The following ING1 variants were observed in gnomAD, a reference collection of about 807,000 sequenced individuals.
ING1 encodes the protein inhibitor of growth family member 1.
Under a neutral mutation model 23.1 loss-of-function variants are expected in ING1, and 4 were observed. The observed-to-expected ratio is 0.17, with a 90% CI of 0.09 to 0.40. The LOEUF is 0.40. Ranked by LOEUF, ING1 falls within the 10% of genes least tolerant of loss-of-function variation. The pLI, the probability that ING1 is intolerant of heterozygous loss-of-function variation, is 1.00. For synonymous variants in ING1, 179 were observed against 166.4 expected (o/e 1.08, Z -0.58); for missense variants, 256 against 393.8 (o/e 0.65, Z 2.96).
Position 110,720,072 on chromosome 13 carries a change from G to C in ING1, c.*140G>C. On this transcript the variant is annotated 3_prime_UTR_variant, in exon 2 of 2. Transcript: ENST00000333219. ...AAGGAACCATTCCTTTCATAGGGATGGCAGTGATTCTGTTTGCCTTTTGTT... is the reference window on the plus strand; with the variant it reads ...AAGGAACCATTCCTTTCATAGGGATCGCAGTGATTCTGTTTGCCTTTTGTT... 2 of 651,408 alleles carry C rather than the reference G, an allele frequency of 3.1e-6. No individual in the cohort carries two copies. Among genetic ancestry groups the C allele is most frequent in the Non-Finnish European group, 5.0e-6 (2 of 397,398 alleles). The allele number at this position is 651,408 out of a possible 1,614,324, so 40.4% of individuals were successfully genotyped here.
chr13:110,713,144 C>T, upstream of ING1: 2 of 1,430,534 alleles, frequency 1.4e-6, no homozygotes, highest in Non-Finnish European at 1.8e-6. Flanking sequence ...CACGGTCTCC[C>T]CGCCTCCTCT....
chr13:110,712,977 G>A (rs763183051), upstream of ING1: 14 of 1,557,566 alleles, frequency 9.0e-6, no homozygotes, highest in East Asian at 2.9e-4. Flanking sequence ...CCGCGGAATG[G>A]GTAGGTCTCC....
Position 110,719,509 on chromosome 13 carries a change from A to C in ING1, c.417A>C (p.Ala139=). The C allele has an allele frequency of 6.2e-7, 1 of 1,611,696 alleles. No individual in the cohort carries two copies. The highest frequency in any genetic ancestry group is 8.5e-7 in the Non-Finnish European group (1 of 1,179,062). The change falls in exon 2 of 2, where the codon GCA becomes GCC. Residue 139 remains alanine (A), a synonymous_variant. Transcript: ENST00000333219. The surrounding 1 kb of genome is among the most constrained non-coding windows in gnomAD (Gnocchi z 8.9). ...AGADRPKGEA[A]AQADKPNSKR... ...CGGACAGGCCCAAAGGCGAGGCGGC[A>C]GCGCAGGCTGACAAGCCCAACAGCA...
chr13:110,712,904 G>A, upstream of ING1: 1 of 1,527,072 alleles, frequency 6.5e-7, no homozygotes, highest in Non-Finnish European at 8.9e-7. Context: ...CGACACAAAG[G>A]GAGGGCGGTG....
upstream of ING1, chr13:110,713,039 A>C (rs1207537325): frequency 1.4e-6 from 2 of 1,477,200 alleles, no homozygotes; most frequent in African/African-American, 2.8e-5. Context: ...GCCAGTGCGC[A>C]TGCGCCGCCA....
At chr13:110,715,098 G>A (rs2064097674) in intron 1 of ING1, 2 of 1,062,712 alleles carry the variant, frequency 1.9e-6, no homozygotes, top group Non-Finnish European at 2.3e-6. Context: ...TGCAGACCTG[G>A]CCGCCCCGGG....
intron 1 of ING1, chr13:110,715,322 G>T: frequency 7.0e-7 from 1 of 1,435,482 alleles, no homozygotes; most frequent in Non-Finnish European, 9.1e-7. Flanking sequence ...AGTACTAGAC[G>T]CCTCTGCCGG....
At chr13:110,715,844 CTTTCGGGCGCGGATTTATAGCAG>C (rs778151398) in intron 1 of ING1, 1 of 1,593,424 alleles carries the variant, frequency 6.3e-7, no homozygotes, top group East Asian at 2.2e-5. Context: ...AGCCCGGCCA[CTTTCGGGCGCGGATTTATAGCAG>C]TAGCAGTGAT....
chr13:110,722,989 C>G lies in ING1; in HGVS notation c.*3057C>G, dbSNP rs963899443. 6.6e-6 allele frequency: 1 copy of G among 152,168 alleles called. No homozygotes were observed. The allele number at this position is 152,168 out of a possible 1,614,324, so 9.4% of individuals were successfully genotyped here. On this transcript the variant is annotated 3_prime_UTR_variant, in exon 2 of 2. Transcript: ENST00000333219. ...AAAGCGATCTAATATAGAACAGTTGCTTTTACTTAGATGTTCAATGCATAT... is the reference window on the plus strand; with the variant it reads ...AAAGCGATCTAATATAGAACAGTTGGTTTTACTTAGATGTTCAATGCATAT...
chr13:110,712,882 A>G (rs1232006849), upstream of ING1: 2 of 1,396,018 alleles, frequency 1.4e-6, no homozygotes, highest in Non-Finnish European at 2.0e-6. Flanking sequence ...TTCCAAACTG[A>G]GTACCGGGAG....
chr13:110,718,626 C>A (rs949270993), intron 1 of ING1, among the ~76,000 whole-genome samples: 2 of 152,032 alleles, frequency 1.3e-5, no homozygotes. Context: ...TAAATTTATA[C>A]ACATTCTCTC....
Position 110,714,227 on chromosome 13 carries a change from G to A in ING1, c.78G>A (p.Leu26=). Residue 26 remains leucine (L), a synonymous_variant, in exon 1 of 2, where the codon CTG becomes CTA. Transcript: ENST00000333219. Reference sequence around the variant, plus strand: ...ACTACCTGGACTCCATCGAGTCCCTGCCTTTCGACTTGCAGAGAAATGTCT... The same window carrying A: ...ACTACCTGGACTCCATCGAGTCCCTACCTTTCGACTTGCAGAGAAATGTCT... ...VEDYLDSIES[L]PFDLQRNVSL... The A allele has an allele frequency of 6.3e-7, 1 of 1,578,808 alleles. No homozygotes were observed. Among genetic ancestry groups the A allele is most frequent in the African/African-American group, 1.4e-5 (1 of 71,948 alleles).
rs2139963872 is a variant in ING1, at chr13:110,713,844, T to TGC, written c.-301_-300dup. 1 of 982,772 alleles carries TGC rather than the reference T, an allele frequency of 1.0e-6. No individual in the cohort carries two copies. Among genetic ancestry groups the TGC allele is most frequent in the East Asian group, 1.1e-4 (1 of 8,698 alleles). 60.9% of individuals were successfully genotyped at this position (982,772 alleles called of 1,614,324 possible). On this transcript the variant is annotated 5_prime_UTR_variant, in exon 1 of 2. Coordinates refer to ENST00000333219, the MANE Select transcript of ING1 (RefSeq NM_198219.3). The stretch of plus-strand genomic sequence containing the variant: ...CGCTGGGCCCTCTCCCGCCGGTGTG[T>TGC]GCGCGCTCGTACGCGCGGCCCCCGG...
At chr13:110,713,392 C>T (rs1461731557), upstream of ING1, 11 of 1,032,402 alleles carry the variant, frequency 1.1e-5, no homozygotes, top group Non-Finnish European at 1.3e-5. Flanking sequence ...TCCCAGCGGG[C>T]GTGCTGTGCC....
In ING1 at chr13:110,719,089, G is replaced by A. The variant is rs2064148428; in HGVS notation, c.137-140G>A. On this transcript the variant is annotated intron_variant, in intron 1 of 1. Transcript: ENST00000333219. This position sits in a 1 kb window ranked among gnomAD's most constrained non-coding sequence, Gnocchi z 8.9. ...GGAACAGATAGGCCCGGGAGAGCCT[G>A]TGGCTGGTGGGCTTTGTTCTGGGCA... The A allele has an allele frequency of 4.4e-6, 3 of 686,456 alleles. No homozygotes were observed. Among genetic ancestry groups the A allele is most frequent in the Non-Finnish European group, 7.3e-6 (3 of 409,358 alleles). 42.5% of individuals were successfully genotyped at this position (686,456 alleles called of 1,614,324 possible).
rs2064181769 is a variant in ING1, at chr13:110,723,152, C to T, written c.*3220C>T. 6 of 152,182 alleles carry T rather than the reference C, an allele frequency of 3.9e-5. No homozygotes were observed. Among genetic ancestry groups the T allele is most frequent in the Admixed American group, 3.9e-4 (6 of 15,278 alleles). 9.4% of individuals were successfully genotyped at this position (152,182 alleles called of 1,614,324 possible). On this transcript the variant is annotated 3_prime_UTR_variant, in exon 2 of 2. Coordinates refer to ENST00000333219, the MANE Select transcript of ING1 (RefSeq NM_198219.3). Reference sequence around the variant, plus strand: ...GAAGTGTTGAGCAGCCATGGTGTTCCTGGGACAGGCTCCCCAGGTGCTGAG... The same window carrying T: ...GAAGTGTTGAGCAGCCATGGTGTTCTTGGGACAGGCTCCCCAGGTGCTGAG...
chr13:110,715,792 C>T (rs1485141329), intron 1 of ING1: 1 of 1,590,092 alleles, frequency 6.3e-7, no homozygotes, highest in Non-Finnish European at 8.5e-7. Flanking sequence ...TCCCCATTGG[C>T]TGGAGGCCTG....
chr13:110,715,623 C>G (rs780670371), intron 1 of ING1: 1 of 1,613,860 alleles, frequency 6.2e-7, no homozygotes, highest in African/African-American at 1.3e-5. Flanking sequence ...TCGGGTCGCT[C>G]GGCCTCCAGC....
At chr13:110,713,388 C>T (rs2064061828), upstream of ING1, 1 of 1,036,980 alleles carries the variant, frequency 9.6e-7, no homozygotes, top group African/African-American at 1.7e-5. Flanking sequence ...CGTTTCCCAG[C>T]GGGCGTGCTG....
Sources: gnomAD v4.1 joint callset for allele counts (sites outside exome capture counted in the v4.1 genomes callset) on GRCh38, gnomAD v4.1.1 for gene constraint, Gnocchi (gnomAD v3.1) non-coding constraint, MANE v1.5 for transcripts, NCBI Gene and HGNC (gene_info 2026-07-23, HGNC 2026-07-21) for gene names.